The following ADGRB3 variants were observed in gnomAD, a reference collection of about 807,000 sequenced individuals.
The protein encoded by ADGRB3 is brain-specific angiogenesis inhibitor 3.
In ADGRB3, 37 loss-of-function variants were observed where a neutral mutation model predicts 193.4. The observed-to-expected ratio is 0.19, with a 90% confidence interval of 0.15 to 0.25. The LOEUF is 0.25. Among genes scored for constraint, ADGRB3 ranks in the 10% least tolerant of loss-of-function variants. The probability of loss-of-function intolerance (pLI) is 1.00; values close to 1 mark genes in which losing one functional copy is unlikely to be tolerated. For synonymous variants in ADGRB3, 690 were observed against 644.2 expected (o/e 1.07, Z -1.08); for missense variants, 1,637 against 1,852.9 (o/e 0.88, Z 2.14).
intron 17 of ADGRB3, among the ~76,000 whole-genome samples, chr6:69,158,811 G>T (rs1774914023): frequency 6.6e-6 from 1 of 151,982 alleles, no homozygotes; most frequent in South Asian, 2.1e-4. Flanking sequence ...GAGGGAGCTG[G>T]TCTTCTTGCA....
intron 3 of ADGRB3, among the ~76,000 whole-genome samples, chr6:68,858,627 A>G (rs557932095): frequency 4.6e-5 from 7 of 150,880 alleles, no homozygotes; most frequent in Admixed American, 4.6e-4. Context: ...CATAAATACA[A>G]TTTTACAGTA....
intron 3 of ADGRB3, among the ~76,000 whole-genome samples, chr6:68,907,957 T>C (rs1252856728): frequency 1.4e-4 from 21 of 151,990 alleles, no homozygotes; most frequent in Admixed American, 1.3e-3. Flanking sequence ...CTCATTTGTA[T>C]ATAGTTCTTT....
At chr6:69,145,756 G>A (rs55708489) in intron 17 of ADGRB3, among the ~76,000 whole-genome samples, 85 of 151,922 alleles carry the variant, frequency 5.6e-4, no homozygotes, top group Non-Finnish European at 1.0e-3. Context: ...GCAGAGAGGA[G>A]ACCCTGGAGT....
At chr6:68,820,594 T>G (rs1374063553) in intron 3 of ADGRB3, among the ~76,000 whole-genome samples, 1 of 152,064 alleles carries the variant, frequency 6.6e-6, no homozygotes, top group African/African-American at 2.4e-5. Context: ...CTCTTATTTA[T>G]TCTATCTAAA....
intron 3 of ADGRB3, among the ~76,000 whole-genome samples, chr6:68,687,221 G>T (rs1415023347): frequency 6.6e-6 from 1 of 151,982 alleles, no homozygotes; most frequent in East Asian, 1.9e-4. Context: ...CAGAGAAAAA[G>T]ATTCCATTAT....
chr6:69,274,475 TCCTCCCTC>T (rs570087128), intron 20 of ADGRB3, among the ~76,000 whole-genome samples: 3 of 115,920 alleles, frequency 2.6e-5, no homozygotes, highest in Non-Finnish European at 3.4e-5. Flanking sequence ...CTTCCTTCCT[TCCTCCCTC>T]CCTCCCTCCC....
intron 3 of ADGRB3, among the ~76,000 whole-genome samples, chr6:68,929,775 G>T (rs556727679): frequency 2.6e-4 from 39 of 152,142 alleles, no homozygotes; most frequent in African/African-American, 8.9e-4. Flanking sequence ...TATATGGAAG[G>T]TATTCTTTTA....
intron 17 of ADGRB3, among the ~76,000 whole-genome samples, chr6:69,090,995 C>T (rs1772688831): frequency 6.6e-6 from 1 of 152,066 alleles, no homozygotes; most frequent in Non-Finnish European, 1.5e-5. Context: ...AATGAACAGA[C>T]ACTTCTAAAA....
At chr6:69,126,028 C>T (rs1413190710) in intron 17 of ADGRB3, among the ~76,000 whole-genome samples, 2 of 152,096 alleles carry the variant, frequency 1.3e-5, no homozygotes, top group South Asian at 2.1e-4. Flanking sequence ...ATTTGTACTT[C>T]CTGTGCTTTT....
chr6:68,848,150 AC>A (rs1768320099), intron 3 of ADGRB3, among the ~76,000 whole-genome samples: 1 of 152,118 alleles, frequency 6.6e-6, no homozygotes, highest in South Asian at 2.1e-4. Flanking sequence ...AAACTTTTAA[AC>A]ATAAAAATAA....
At chr6:68,658,415 G>A (rs1768539693) in intron 3 of ADGRB3, among the ~76,000 whole-genome samples, 2 of 151,336 alleles carry the variant, frequency 1.3e-5, no homozygotes, top group East Asian at 1.9e-4. Context: ...GATATGCTTA[G>A]TGGCCTCTGT....
chr6:68,689,966 A>T (rs916959497), intron 3 of ADGRB3, among the ~76,000 whole-genome samples: 1 of 152,138 alleles, frequency 6.6e-6, no homozygotes, highest in African/African-American at 2.4e-5. Flanking sequence ...CAACTCCTGC[A>T]TCAATAACTT....
chr6:68,788,503 C>T (rs1056888858), intron 3 of ADGRB3, among the ~76,000 whole-genome samples: 3 of 152,128 alleles, frequency 2.0e-5, no homozygotes, highest in African/African-American at 7.2e-5. Flanking sequence ...AGTTTGATTG[C>T]ACTGTGGTCT....
chr6:68,708,980 T>A (rs1213260376), intron 3 of ADGRB3, among the ~76,000 whole-genome samples: 1 of 152,216 alleles, frequency 6.6e-6, no homozygotes, highest in Non-Finnish European at 1.5e-5. Context: ...GGGATTTTGA[T>A]GAAAGGAAAT....
intron 3 of ADGRB3, among the ~76,000 whole-genome samples, chr6:68,839,681 T>C (rs1768113870): frequency 6.6e-6 from 1 of 152,182 alleles, no homozygotes; most frequent in Admixed American, 6.5e-5. Context: ...ATCATCCTCC[T>C]TGCAGAACCA....
chr6:68,807,221 CTTTTTTCTTTTTT>C (rs1172265198), intron 3 of ADGRB3, among the ~76,000 whole-genome samples: 1 of 105,540 alleles, frequency 9.5e-6, no homozygotes, highest in Non-Finnish European at 1.9e-5. Context: ...TTTTCTTTTT[CTTTTTTCTTTTTT>C]CTTTTTTTTT....
chr6:69,308,481 A>G (rs1768110920), intron 20 of ADGRB3, among the ~76,000 whole-genome samples: 1 of 149,740 alleles, frequency 6.7e-6, no homozygotes, highest in South Asian at 2.1e-4. Context: ...AATTTATTCC[A>G]GTTGGTTCGT....
chr6:69,079,258 A>G (rs944006398), intron 17 of ADGRB3, among the ~76,000 whole-genome samples: 1 of 152,204 alleles, frequency 6.6e-6, no homozygotes. Context: ...GCTTCATTGT[A>G]TGTGACAGAT....
intron 29 of ADGRB3, among the ~76,000 whole-genome samples, chr6:69,367,234 T>C (rs1255620853): frequency 6.6e-6 from 1 of 152,096 alleles, no homozygotes; most frequent in Non-Finnish European, 1.5e-5. Flanking sequence ...GTTGAACTCC[T>C]TAAGATGAAG....
Sources: allele counts gnomAD v4.1 joint callset (sites outside exome capture counted in the v4.1 genomes callset), GRCh38; gene constraint gnomAD v4.1.1; transcripts MANE v1.5; gene names NCBI Gene and HGNC (gene_info 2026-07-23, HGNC 2026-07-21).